MCCC1: variants seen among roughly 807,000 people sequenced by gnomAD.
The protein encoded by MCCC1 is methylcrotonyl-CoA carboxylase subunit 1.
Under a neutral mutation model 83.8 loss-of-function variants are expected in MCCC1, and 64 were observed. That is an observed-to-expected ratio of 0.76 (90% CI 0.62 to 0.94). The LOEUF (loss-of-function observed/expected upper bound fraction) is 0.94. Among genes scored for constraint, MCCC1 ranks in the 40% least tolerant of loss-of-function variants. MCCC1 has a pLI of 0.00. For missense variants in MCCC1, 807 were observed against 904.7 expected (o/e 0.89, Z 1.39); for synonymous variants, 322 against 315.4 (o/e 1.02, Z -0.22).
chr3:183,075,684 G>A (rs1286370800), intron 4 of MCCC1, among the ~76,000 whole-genome samples: 3 of 152,026 alleles, frequency 2.0e-5, no homozygotes, highest in Admixed American at 6.6e-5. Context: ...GGGACTACAG[G>A]TGCCTGCCAC....
Position 183,022,499 on chromosome 3 carries a change from G to T in MCCC1, c.1787C>A (p.Thr596Asn), listed in dbSNP as rs763823835. ...TCCATTAACAGAACATTTCAGGTAA[G>T]TGCAGTCTCCCTCGCTGTAAAGATT... The part of the protein sequence containing the change: ...LGNLYSEGDC[T>N]YLKCSVNGVA... Residue 596 changes from threonine to asparagine, a missense_variant, in exon 16 of 19, where the codon ACT (threonine) becomes AAT (asparagine). By Grantham distance (65) the Thr-to-Asn change is moderately conservative. Coordinates refer to ENST00000265594, the MANE Select transcript of MCCC1 (RefSeq NM_020166.5). The T allele has an allele frequency of 2.5e-5, 41 of 1,613,826 alleles. No homozygotes were observed. The highest frequency in any genetic ancestry group is 3.1e-5 in the Non-Finnish European group (36 of 1,179,868).
intron 8 of MCCC1, among the ~76,000 whole-genome samples, chr3:183,056,072 G>A (rs1160315354): frequency 1.3e-5 from 2 of 152,044 alleles, no homozygotes; most frequent in Non-Finnish European, 2.9e-5. Flanking sequence ...ATGTCTAGAA[G>A]TAAACAAAGT....
At chr3:183,032,393 AT>A (rs1189746828) in intron 14 of MCCC1, among the ~76,000 whole-genome samples, 5 of 152,186 alleles carry the variant, frequency 3.3e-5, no homozygotes, top group Admixed American at 2.6e-4. Flanking sequence ...GGGGGGTTGT[AT>A]TTTTTAGGAT....
At chr3:183,052,127 G>T in intron 9 of MCCC1, 32 bp downstream of exon 9, 2 of 1,591,380 alleles carry the variant, frequency 1.3e-6, no homozygotes, top group Non-Finnish European at 1.7e-6. Context: ...ACACTGTTAC[G>T]TCTCTTCCAT....
rs561584033 is a variant in MCCC1 at position 183,035,410 on chromosome 3, G to A, written c.1595-1333C>T. Among the ~76,000 whole-genome samples, 243 of 151,826 alleles carry A rather than the reference G, an allele frequency of 1.6e-3. 3 individuals carry two copies. Among genetic ancestry groups the A allele is most frequent in the Middle Eastern group, 0.01 (3 of 294 alleles). ...TCTTGAATGAATCTAAATGAATTCA[G>A]AAATTAAAGATTCTAATGATAGGAT... On this transcript the variant is annotated intron_variant, in intron 13 of 18. Transcript: ENST00000265594.
chr3:183,098,257 T>C (rs1463416705), intron 1 of MCCC1, among the ~76,000 whole-genome samples: 1 of 152,244 alleles, frequency 6.6e-6, no homozygotes, highest in Non-Finnish European at 1.5e-5. Flanking sequence ...TATGTTTCTC[T>C]GGGGCACTCC....
intron 11 of MCCC1, among the ~76,000 whole-genome samples, chr3:183,039,839 G>A (rs1463296610): frequency 1.3e-5 from 2 of 152,090 alleles, no homozygotes; most frequent in African/African-American, 4.8e-5. Flanking sequence ...GCTCACGCCT[G>A]TACTCCCAAG....
chr3:183,072,123 CT>C (rs1413767038), intron 5 of MCCC1, among the ~76,000 whole-genome samples: 1 of 152,104 alleles, frequency 6.6e-6, no homozygotes, highest in Non-Finnish European at 1.5e-5. Flanking sequence ...CCACCTTGGC[CT>C]CCCAAAGTGC....
intron 7 of MCCC1, among the ~76,000 whole-genome samples, chr3:183,065,242 CTT>C (rs1282062021): frequency 6.6e-6 from 1 of 152,026 alleles, no homozygotes; most frequent in Middle Eastern, 3.2e-3. Context: ...GGTTTCCCCT[CTT>C]GTCTTGTATG....
At chr3:183,018,659 T>C (rs1228622050) in intron 17 of MCCC1, among the ~76,000 whole-genome samples, 2 of 150,564 alleles carry the variant, frequency 1.3e-5, no homozygotes, top group Non-Finnish European at 2.9e-5. Flanking sequence ...TTTGAAATCC[T>C]TTCATTTTTT....
At chr3:183,025,726 C>T (rs778431854) in intron 15 of MCCC1, 29 bp downstream of exon 15, 22 of 1,603,208 alleles carry the variant, frequency 1.4e-5, no homozygotes. Flanking sequence ...TTCAGCTCTG[C>T]ACTGTAGAAC....
rs370261618 is a variant in MCCC1 at position 183,064,630 on chromosome 3, G to A, written c.761+6369C>T. On this transcript the variant is annotated intron_variant, in intron 7 of 18. Coordinates refer to ENST00000265594, the MANE Select transcript of MCCC1 (RefSeq NM_020166.5). This position sits in a 1 kb window ranked among gnomAD's most constrained non-coding sequence, Gnocchi z 4.5. ...GCCGGCTGCGGTACGCCTCCTGCGC[G>A]TTGCCGAAGTCCACTGCGGGCACCG... 3.3e-5 allele frequency among the ~76,000 whole-genome samples: 5 copies of A among 152,196 alleles called. No individual in the cohort carries two copies. The highest frequency in any genetic ancestry group is 7.2e-5 in the African/African-American group (3 of 41,464).
chr3:183,090,025 G>A lies in MCCC1; in HGVS notation c.273+2384C>T, dbSNP rs150962165. Among the ~76,000 whole-genome samples, 5 of 152,282 alleles carry A rather than the reference G, an allele frequency of 3.3e-5. No individual in the cohort carries two copies. The East Asian group carries it at 7.7e-4, about 23-fold the overall frequency. ...TTGGGAGTTTTTCTCAAAGCTATAG[G>A]AGTATATAAAATGATCCAGAATGAG... On this transcript the variant is annotated intron_variant, in intron 3 of 18. Transcript: ENST00000265594.
At chr3:183,072,301 T>C (rs772891901) in intron 5 of MCCC1, 65 bp downstream of exon 5, 201 of 1,589,006 alleles carry the variant, frequency 1.3e-4, no homozygotes, top group Non-Finnish European at 1.6e-4. Flanking sequence ...CATAGCCACA[T>C]GCCTGGCCCA....
rs1386085483 is a variant in MCCC1 at position 183,039,079 on chromosome 3, C to T, written c.1324G>A (p.Ala442Thr). The change falls in exon 12 of 19, where the codon GCA (alanine) becomes ACA (threonine). Residue 442 changes from alanine to threonine, a missense_variant. Physicochemically the swap from Ala to Thr is moderately conservative, Grantham distance 58. Transcript: ENST00000265594. Reference protein sequence around the residue: ...PMIAKLVVWAADRQAALTKLR... With the variant: ...PMIAKLVVWATDRQAALTKLR... ...TTTGTCAATGCCGCCTGGCGATCTG[C>T]TGCCCACACGACCAGCTTCGCAATC... The T allele has an allele frequency of 6.2e-7, 1 of 1,614,112 alleles. No homozygotes were observed. Among genetic ancestry groups the T allele is most frequent in the Non-Finnish European group, 8.5e-7 (1 of 1,180,056 alleles).
At chr3:183,042,165 C>T (rs994077608) in intron 10 of MCCC1, among the ~76,000 whole-genome samples, 3 of 152,140 alleles carry the variant, frequency 2.0e-5, no homozygotes, top group Non-Finnish European at 2.9e-5. Context: ...ACTAGATTCA[C>T]AGCCAAGCAA....
chr3:183,107,176 G>A (rs1030002482), intron 1 of MCCC1, among the ~76,000 whole-genome samples: 9 of 152,074 alleles, frequency 5.9e-5, no homozygotes, highest in East Asian at 1.9e-4. Flanking sequence ...AGGCTGAGGC[G>A]GACGGATCAT....
At chr3:183,017,374 A>T (rs1560199705) in intron 17 of MCCC1, 37 bp from the exon 18 acceptor site, 1 of 1,597,552 alleles carries the variant, frequency 6.3e-7, no homozygotes, top group Admixed American at 1.7e-5. Flanking sequence ...ATTTGAAAAC[A>T]CAGAGGTCCT....
chr3:183,103,982 G>T (rs958246598), upstream of MCCC1, among the ~76,000 whole-genome samples: 1 of 152,184 alleles, frequency 6.6e-6, no homozygotes, highest in African/African-American at 2.4e-5. Context: ...CGCAGCCGCT[G>T]GCCCGGGTGC....
Sources: allele counts gnomAD v4.1 joint callset (sites outside exome capture counted in the v4.1 genomes callset), GRCh38; gene constraint gnomAD v4.1.1; non-coding constraint Gnocchi (gnomAD v3.1); transcripts MANE v1.5; gene names NCBI Gene and HGNC (gene_info 2026-07-23, HGNC 2026-07-21).